ACOT4: variants seen among roughly 807,000 people sequenced by gnomAD.
ACOT4 encodes peroxisomal succinyl-coenzyme A thioesterase.
Under a neutral mutation model 17.1 loss-of-function variants are expected in ACOT4, and 18 were observed. The observed-to-expected ratio is 1.05, with a 90% confidence interval of 0.73 to 1.56. The LOEUF (loss-of-function observed/expected upper bound fraction) is 1.56. Ranked by LOEUF, ACOT4 falls within the 40% of genes most tolerant of loss-of-function variation. ACOT4 has a pLI of 0.00. For missense variants in ACOT4, 574 were observed against 557.2 expected, an observed-to-expected ratio of 1.03 and a Z score of -0.30; for synonymous variants, 234 against 236.6, an observed-to-expected ratio of 0.99 and a Z score of 0.10.
chr14:73,593,990 T>C (rs1890202649), intron 2 of ACOT4, 86 bp downstream of exon 2: 2 of 1,240,302 alleles, frequency 1.6e-6, no homozygotes, highest in South Asian at 3.6e-5. Context: ...GAAATGCTGC[T>C]CTGTTCCTCT....
At position 73,592,391 on chromosome 14, in the gene ACOT4, G is replaced by A. The variant is rs1489634380; in HGVS notation, c.432G>A (p.Val144=). The change falls in exon 1 of 3, where the codon GTG becomes GTA. Residue 144 remains valine, a synonymous_variant. Transcript: ENST00000326303. Reference sequence around the variant, plus strand: ...GCCAGTCGGTGCGAGCGGGCCGGGTGCGCGCCACGCTCTTCCTGCCGCCAG... The same window carrying A: ...GCCAGTCGGTGCGAGCGGGCCGGGTACGCGCCACGCTCTTCCTGCCGCCAG... ...VRRQSVRAGR[V]RATLFLPPGP... 2 of 1,546,210 alleles carry A rather than the reference G, an allele frequency of 1.3e-6. No homozygotes were observed. The highest frequency in any genetic ancestry group is 8.7e-7 in the Non-Finnish European group (1 of 1,151,160).
Position 73,591,875 on chromosome 14 carries a change from A to C in ACOT4, c.-85A>C. On this transcript the variant is annotated 5_prime_UTR_variant, in exon 1 of 3. Coordinates refer to ENST00000326303, the MANE Select transcript of ACOT4 (RefSeq NM_152331.4). ...AGCTTCCGGCACCAGGGGACGCCGG[A>C]CGCCGTCCGGACATTCGGCGCGCTT... 7.8e-7 allele frequency: 1 copy of C among 1,276,302 alleles called. No individual in the cohort carries two copies. The highest frequency in any genetic ancestry group is 1.0e-6 in the Non-Finnish European group (1 of 993,938). The allele number at this position is 1,276,302 out of a possible 1,614,324, so 79.1% of individuals were successfully genotyped here.
In ACOT4 at chr14:73,593,880, A is replaced by G. The variant is rs202000176; in HGVS notation, c.636A>G (p.Val212=). The G allele has an allele frequency of 1.9e-6, 3 of 1,613,048 alleles. No homozygotes were observed. Among genetic ancestry groups the G allele is most frequent in the African/African-American group, 1.3e-5 (1 of 75,036 alleles). Residue 212 remains valine, a synonymous_variant, in exon 2 of 3, where the codon GTA becomes GTG. Coordinates refer to ENST00000326303, the MANE Select transcript of ACOT4 (RefSeq NM_152331.4). ...NISLEYFEEA[V]CYMLQHPQVK... is the part of the protein sequence containing the mutation. ...CCCTGGAGTACTTCGAAGAAGCCGT[A>G]TGCTACATGCTTCAACATCCCCAGG...
chr14:73,593,634 T>C (rs531762075), intron 1 of ACOT4, 68 bp from the exon 2 acceptor site: 2 of 1,438,192 alleles, frequency 1.4e-6, no homozygotes, highest in East Asian at 4.6e-5. Flanking sequence ...TGAACCACAG[T>C]GTCCAGCCAG....
chr14:73,592,125 G>A lies in ACOT4; in HGVS notation c.166G>A (p.Ala56Thr), dbSNP rs1890160839. The A allele has an allele frequency of 1.9e-6, 3 of 1,559,124 alleles. No homozygotes were observed. The highest frequency in any genetic ancestry group is 4.9e-5 in the East Asian group (2 of 41,070). ...GGCCCACGCGCGCTACTGCGCCGAC[G>A]CCCGCGGCGAGCTGGACCTGGAGCG... ...FRAHARYCAD[A>T]RGELDLERAP... Residue 56 changes from alanine (A) to threonine (T), a missense_variant, in exon 1 of 3, where the codon GCC becomes ACC. Physicochemically the swap from Ala to Thr is moderately conservative, Grantham distance 58 (BLOSUM62 0). Transcript: ENST00000326303.
In ACOT4 at chr14:73,595,297, C is replaced by T. The variant is rs1890229210; in HGVS notation, c.909C>T (p.Tyr303=). ...TAAGGAATGCTCTCGTAGGAGGGTA[C>T]AAGAACCCCAGCATGATTCCAATAG... ...VDIRNALVGG[Y]KNPSMIPIEK... The change falls in exon 3 of 3, where the codon TAC becomes TAT. Residue 303 remains tyrosine (Y), a synonymous_variant. Transcript: ENST00000326303. 6 of 1,614,202 alleles carry T rather than the reference C, an allele frequency of 3.7e-6. No individual in the cohort carries two copies. The highest frequency in any genetic ancestry group is 1.3e-5 in the African/African-American group (1 of 75,042).
At chr14:73,594,647 T>C (rs1412612004) in intron 2 of ACOT4, among the ~76,000 whole-genome samples, 3 of 152,108 alleles carry the variant, frequency 2.0e-5, no homozygotes, top group Non-Finnish European at 1.5e-5. Context: ...GTTTGCATTT[T>C]AGAAAAATGT....
chr14:73,591,968 A>C lies in ACOT4; in HGVS notation c.9A>C (p.Ala3=). 7.2e-7 allele frequency: 1 copy of C among 1,384,410 alleles called. No individual in the cohort carries two copies. The highest frequency in any genetic ancestry group is 9.3e-7 in the Non-Finnish European group (1 of 1,070,052). The allele number at this position is 1,384,410 out of a possible 1,614,324, so 85.8% of individuals were successfully genotyped here. A position where few individuals can be genotyped will look rare whatever the true frequency, so the allele number is the denominator to read the frequency against. The change falls in exon 1 of 3, where the codon GCA becomes GCC. Residue 3 remains alanine (A), a synonymous_variant. Transcript: ENST00000326303. ...CCCGCTCCGGCTCCAAGATGTCAGC[A>C]ACGCTGATCCTGGAGCCCCCAGGCC... is the stretch of plus-strand genomic sequence containing the variant. MS[A]TLILEPPGRC...
At position 73,591,923 on chromosome 14, in the gene ACOT4, G is replaced by C. The variant is rs567692226; in HGVS notation, c.-37G>C. 2 of 1,352,112 alleles carry C rather than the reference G, an allele frequency of 1.5e-6. No individual in the cohort carries two copies. Among genetic ancestry groups the C allele is most frequent in the Non-Finnish European group, 1.9e-6 (2 of 1,050,306 alleles). 83.8% of individuals were successfully genotyped at this position (1,352,112 alleles called of 1,614,324 possible). A position where few individuals can be genotyped will look rare whatever the true frequency, so the allele number is the denominator to read the frequency against. On this transcript the variant is annotated 5_prime_UTR_variant, in exon 1 of 3. Coordinates refer to ENST00000326303, the MANE Select transcript of ACOT4 (RefSeq NM_152331.4). ...CTTGCCACGATCTTGGACGGGTCTC[G>C]GGCCTCGACCTTTGAATTCCCCGCT...
At chr14:73,594,439 TCAGCGGC>T (rs1336009865) in intron 2 of ACOT4, among the ~76,000 whole-genome samples, 8 of 10,798 alleles carry the variant, frequency 7.4e-4, no homozygotes, top group African/African-American at 4.0e-3. Flanking sequence ...GATCTGTGGC[TCAGCGGC>T]TCAGCGGCTC....
chr14:73,595,173 A>T lies in ACOT4; in HGVS notation c.785A>T (p.Asn262Ile). 6.2e-7 allele frequency: 1 copy of T among 1,614,252 alleles called. No individual in the cohort carries two copies. Among genetic ancestry groups the T allele is most frequent in the Non-Finnish European group, 8.5e-7 (1 of 1,180,036 alleles). The change falls in exon 3 of 3, where the codon AAC becomes ATC. Residue 262 changes from asparagine to isoleucine, a missense_variant. Asn to Ile is a moderately radical substitution (Grantham distance 149). Transcript: ENST00000326303. ...ATCAATGGATCTGGGATCAGTGGGA[A>T]CACAGCCATCAACTATAAGCACAGT... ...VSINGSGISG[N>I]TAINYKHSSI...
chr14:73,592,753 T>G (rs1890176672), intron 1 of ACOT4, among the ~76,000 whole-genome samples: 1 of 152,036 alleles, frequency 6.6e-6, no homozygotes, highest in Non-Finnish European at 1.5e-5. Context: ...CTCGGGAGGC[T>G]GAGGCACGAG....
Position 73,595,725 on chromosome 14 carries a change from G to A in ACOT4, c.*71G>A. 6.8e-7 allele frequency: 1 copy of A among 1,466,878 alleles called. No homozygotes were observed. 90.9% of individuals were successfully genotyped at this position (1,466,878 alleles called of 1,614,324 possible). ...GTGTTCAGTAACCCTATGTGAATCA[G>A]ATGTCTCCTGGATAACATTAAAGCC... On this transcript the variant is annotated 3_prime_UTR_variant, in exon 3 of 3. Coordinates refer to ENST00000326303, the MANE Select transcript of ACOT4 (RefSeq NM_152331.4).
In ACOT4 at chr14:73,593,902, C is replaced by T; in HGVS notation, c.658C>T (p.Gln220Ter). The change falls in exon 2 of 3, where the codon CAG (glutamine) becomes TAG (stop). Residue 220 changes from glutamine to a stop codon, truncating the protein, a stop_gained and splice_region_variant. Transcript: ENST00000326303. LOFTEE classifies it low-confidence loss of function (END_TRUNC). The stretch of plus-strand genomic sequence containing the variant: ...CGTATGCTACATGCTTCAACATCCC[C>T]AGGTTCTCCTCATGTCCTTTATTTA... ...EAVCYMLQHPQVKGPGIGLLG... is the reference protein window; with the variant it reads ...EAVCYMLQHP The T allele has an allele frequency of 6.2e-7, 1 of 1,610,468 alleles. No homozygotes were observed. Among genetic ancestry groups the T allele is most frequent in the Non-Finnish European group, 8.5e-7 (1 of 1,177,632 alleles).
chr14:73,595,291 A>C lies in ACOT4; in HGVS notation c.903A>C (p.Gly301=). 6.2e-7 allele frequency: 1 copy of C among 1,614,210 alleles called. No individual in the cohort carries two copies. Among genetic ancestry groups the C allele is most frequent in the Non-Finnish European group, 8.5e-7 (1 of 1,180,046 alleles). The part of the protein sequence containing the change: ...DIVDIRNALV[G]GYKNPSMIPI... ...TGGATATAAGGAATGCTCTCGTAGG[A>C]GGGTACAAGAACCCCAGCATGATTC... The change falls in exon 3 of 3, where the codon GGA becomes GGC. Residue 301 remains glycine, a synonymous_variant. Transcript: ENST00000326303.
rs1448102580 is a variant in ACOT4 at position 73,592,018 on chromosome 14, G to A, written c.59G>A (p.Arg20His). Residue 20 changes from arginine (R) to histidine (H), a missense_variant, in exon 1 of 3, where the codon CGC becomes CAC. Transcript: ENST00000326303. Reference sequence around the variant, plus strand: ...CGCTGCTGCTGGAACGAGCCGGTGCGCATTGCCGTGCGCGGCCTGGCCCCG... The same window carrying A: ...CGCTGCTGCTGGAACGAGCCGGTGCACATTGCCGTGCGCGGCCTGGCCCCG... The part of the protein sequence containing the change: ...PGRCCWNEPV[R>H]IAVRGLAPEQ... 4.9e-6 allele frequency: 7 copies of A among 1,438,942 alleles called. No homozygotes were observed. The East Asian group carries it at 1.8e-4, about 36-fold the overall frequency. 89.1% of individuals were successfully genotyped at this position (1,438,942 alleles called of 1,614,324 possible). A position where few individuals can be genotyped will look rare whatever the true frequency, so the allele number is the denominator to read the frequency against.
Position 73,592,070 on chromosome 14 carries a change from C to T in ACOT4, c.111C>T (p.Ser37=). 6.7e-7 allele frequency: 1 copy of T among 1,483,228 alleles called. No homozygotes were observed. Among genetic ancestry groups the T allele is most frequent in the East Asian group, 2.8e-5 (1 of 35,498 alleles). The allele number at this position is 1,483,228 out of a possible 1,614,324, so 91.9% of individuals were successfully genotyped here. Residue 37 remains serine (S), a synonymous_variant, in exon 1 of 3, where the codon TCC becomes TCT. Transcript: ENST00000326303. ...APEQRVTLRA[S]LRDEKGALFR... is the part of the protein sequence containing the mutation. ...AGCAGCGGGTTACGCTGCGCGCGTC[C>T]CTGCGCGACGAGAAGGGCGCGCTCT...
Position 73,592,325 on chromosome 14 carries a change from G to A in ACOT4, c.366G>A (p.Gln122=). 6.2e-7 allele frequency: 1 copy of A among 1,607,968 alleles called. No homozygotes were observed. The highest frequency in any genetic ancestry group is 8.5e-7 in the Non-Finnish European group (1 of 1,177,464). The change falls in exon 1 of 3, where the codon CAG becomes CAA. Residue 122 remains glutamine (Q), a synonymous_variant. Transcript: ENST00000326303. ...CCGAGCCTGGACGGCTGCTGTGCCA[G>A]GCGCAGCACGAGCGCCACTTCCTCC... is the stretch of plus-strand genomic sequence containing the variant. ...HDPEPGRLLC[Q]AQHERHFLPP...
rs1335233096 is a variant in ACOT4 at position 73,593,711 on chromosome 14, C to G, written c.467C>G (p.Pro156Arg). The change falls in exon 2 of 3, where the codon CCC (proline) becomes CGC (arginine). Residue 156 changes from proline (P) to arginine (R), a missense_variant. Transcript: ENST00000326303. Reference sequence around the variant, plus strand: ...ATATTTTGTTCTCTAGGACCTGGACCCTTCCCAGGGATCATTGACATCTTT... The same window carrying G: ...ATATTTTGTTCTCTAGGACCTGGACGCTTCCCAGGGATCATTGACATCTTT... Reference protein sequence around the residue: ...ATLFLPPGPGPFPGIIDIFGI... With the variant: ...ATLFLPPGPGRFPGIIDIFGI... 1 of 1,609,520 alleles carries G rather than the reference C, an allele frequency of 6.2e-7. No homozygotes were observed.
Sources: gnomAD v4.1 joint callset for allele counts (sites outside exome capture counted in the v4.1 genomes callset) on GRCh38, gnomAD v4.1.1 for gene constraint, MANE v1.5 for transcripts, NCBI Gene and HGNC (gene_info 2026-07-23, HGNC 2026-07-21) for gene names.